The following VAV2 variants were observed in gnomAD, a reference collection of about 807,000 sequenced individuals.
VAV2 encodes guanine nucleotide exchange factor VAV2.
VAV2 carries 67 observed loss-of-function variants against 132.5 expected under a neutral mutation model. The ratio of observed to expected loss-of-function variants is 0.51; its 90% CI spans 0.42 to 0.62. The LOEUF (loss-of-function observed/expected upper bound fraction) is 0.62, where lower values mean the gene tolerates loss of function less well. Ranked by LOEUF, VAV2 falls within the 20% of genes least tolerant of loss-of-function variation. VAV2 has a pLI of 0.00. For missense variants in VAV2, 938 were observed against 1,153.6 expected, an observed-to-expected ratio of 0.81 and a Z score of 2.71; for synonymous variants, 492 against 443.5, an observed-to-expected ratio of 1.11 and a Z score of -1.37.
intron 4 of VAV2, among the ~76,000 whole-genome samples, chr9:133,828,753 T>TA (rs1359166418): frequency 3.3e-5 from 5 of 152,336 alleles, no homozygotes; most frequent in Admixed American, 3.3e-4. Flanking sequence ...TGTCCCACAA[T>TA]AGCACAATAC....
intron 1 of VAV2, among the ~76,000 whole-genome samples, chr9:133,967,019 A>G (rs1842162449): frequency 7.0e-6 from 1 of 142,662 alleles, no homozygotes; most frequent in Non-Finnish European, 1.5e-5. Flanking sequence ...TAGGTGACTG[A>G]GCAAGACTTT....
At chr9:133,836,007 G>GGT (rs751681488) in intron 3 of VAV2, among the ~76,000 whole-genome samples, 64 of 152,324 alleles carry the variant, frequency 4.2e-4, no homozygotes, top group Non-Finnish European at 7.2e-4. Flanking sequence ...CCCCAGTTGA[G>GGT]GTGTGTGTCC....
At chr9:133,850,170 T>C (rs1357496956) in intron 3 of VAV2, among the ~76,000 whole-genome samples, 1 of 152,112 alleles carries the variant, frequency 6.6e-6, no homozygotes, top group Non-Finnish European at 1.5e-5. Flanking sequence ...GGGAACAAGC[T>C]CAGGGCTAAG....
intron 1 of VAV2, among the ~76,000 whole-genome samples, chr9:133,963,602 G>A (rs1842033721): frequency 6.6e-6 from 1 of 152,194 alleles, no homozygotes; most frequent in South Asian, 2.1e-4. Context: ...AAAGGGCTTG[G>A]TCTGGTCAAC....
At chr9:133,839,985 C>G (rs1485702986) in intron 3 of VAV2, among the ~76,000 whole-genome samples, 2 of 152,184 alleles carry the variant, frequency 1.3e-5, no homozygotes, top group Non-Finnish European at 1.5e-5. Flanking sequence ...CTCCACCCCC[C>G]ACTCCCCGCC....
intron 12 of VAV2, 149 bp downstream of exon 12, chr9:133,795,519 A>T: frequency 1.0e-6 from 1 of 961,870 alleles, no homozygotes; most frequent in Non-Finnish European, 1.6e-6. Flanking sequence ...GGTCTCACCC[A>T]CTGCCCTGCC....
chr9:133,914,712 G>GAGGGGA, intron 2 of VAV2, among the ~76,000 whole-genome samples: 1 of 21,110 alleles, frequency 4.7e-5, no homozygotes, highest in South Asian at 2.6e-3. Flanking sequence ...GGAAGGAGAG[G>GAGGGGA]GGAGGGATCA....
In VAV2 at chr9:133,834,671, C is replaced by T. The variant is rs1836394391; in HGVS notation, c.381-331G>A. ...CATCTGCTGGGCGACCTGCCTTCCC[C>T]TTTACCCACCCTCCCACTTCCAGGG... On this transcript the variant is annotated intron_variant, in intron 3 of 29. Coordinates refer to ENST00000371850, the MANE Select transcript of VAV2 (RefSeq NM_001134398.2). This position sits in a 1 kb window ranked among gnomAD's most constrained non-coding sequence, Gnocchi z 5.9. Among the ~76,000 whole-genome samples, 1 of 152,234 alleles carries T rather than the reference C, an allele frequency of 6.6e-6. No homozygotes were observed. The highest frequency in any genetic ancestry group is 1.5e-5 in the Non-Finnish European group (1 of 68,028).
chr9:133,852,876 C>G (rs915074117), intron 3 of VAV2, among the ~76,000 whole-genome samples: 4 of 150,494 alleles, frequency 2.7e-5, no homozygotes, highest in Non-Finnish European at 5.9e-5. Context: ...CCCATTGGGC[C>G]CCCCCTGCCA....
intron 2 of VAV2, among the ~76,000 whole-genome samples, chr9:133,923,325 C>T (rs1189536649): frequency 1.3e-5 from 2 of 152,198 alleles, no homozygotes; most frequent in Non-Finnish European, 2.9e-5. Flanking sequence ...ATATGATCCA[C>T]CAATTCCACT....
At chr9:133,964,491 A>G (rs2132234825) in intron 1 of VAV2, among the ~76,000 whole-genome samples, 1 of 152,316 alleles carries the variant, frequency 6.6e-6, no homozygotes, top group Admixed American at 6.5e-5. Flanking sequence ...GATGTCATAT[A>G]TGTATAATGA....
rs989975630 is a variant in VAV2, at chr9:133,928,574, G to A, written c.321+10529C>T. 1.3e-5 allele frequency among the ~76,000 whole-genome samples: 2 copies of A among 152,142 alleles called. No individual in the cohort carries two copies. The highest frequency in any genetic ancestry group is 6.5e-5 in the Admixed American group (1 of 15,276). The stretch of plus-strand genomic sequence containing the variant: ...TCAGACCGACTGGCAGAAAGGCCTC[G>A]GGTGAGCACAGAGTCTTCTGCACTC... On this transcript the variant is annotated intron_variant, in intron 2 of 29. Coordinates refer to ENST00000371850, the MANE Select transcript of VAV2 (RefSeq NM_001134398.2). The surrounding 1 kb of genome is among the most constrained non-coding windows in gnomAD (Gnocchi z 5.4).
At chr9:133,839,992 C>T (rs920474786) in intron 3 of VAV2, among the ~76,000 whole-genome samples, 2 of 152,174 alleles carry the variant, frequency 1.3e-5, no homozygotes, top group African/African-American at 4.8e-5. Context: ...CCCCACTCCC[C>T]GCCCCCGAGG....
intron 1 of VAV2, among the ~76,000 whole-genome samples, chr9:133,957,642 T>C (rs1185765964): frequency 1.3e-5 from 2 of 151,966 alleles, no homozygotes; most frequent in East Asian, 3.9e-4. Context: ...TGGAGGAATG[T>C]TGAGTTCCCT....
rs576304403 is a variant in VAV2 at position 133,935,744 on chromosome 9, G to A, written c.321+3359C>T. ...GAAGTGCTGACCACAGCTTGACCAC[G>A]GTAGGAAAAACATCCAGGGAAGGAA... On this transcript the variant is annotated intron_variant, in intron 2 of 29. Coordinates refer to ENST00000371850, the MANE Select transcript of VAV2 (RefSeq NM_001134398.2). This position sits in a 1 kb window ranked among gnomAD's most constrained non-coding sequence, Gnocchi z 5.2. 6.6e-6 allele frequency among the ~76,000 whole-genome samples: 1 copy of A among 152,216 alleles called. No individual in the cohort carries two copies. Among genetic ancestry groups the A allele is most frequent in the Non-Finnish European group, 1.5e-5 (1 of 68,040 alleles).
chr9:133,963,356 G>A lies in VAV2; in HGVS notation c.205-24137C>T, dbSNP rs185911518. 9.8e-5 allele frequency among the ~76,000 whole-genome samples: 15 copies of A among 152,298 alleles called. No individual in the cohort carries two copies. In the East Asian group the frequency reaches 2.9e-3, roughly 29 times the overall value. ...AGAACCAAGGGAGAGAGGGCACGGA[G>A]GCCATCAAGCAGGGAGGGCTGGGGG... On this transcript the variant is annotated intron_variant, in intron 1 of 29. Coordinates refer to ENST00000371850, the MANE Select transcript of VAV2 (RefSeq NM_001134398.2).
intron 1 of VAV2, among the ~76,000 whole-genome samples, chr9:133,947,636 T>C (rs1470856702): frequency 6.9e-6 from 1 of 144,604 alleles, no homozygotes; most frequent in African/African-American, 2.6e-5. Flanking sequence ...GAGGTGGAGG[T>C]TGCAGTGAGC....
Position 133,763,582 on chromosome 9 carries a change from A to G in VAV2, c.*480T>C. On this transcript the variant is annotated 3_prime_UTR_variant, in exon 30 of 30. Transcript: ENST00000371850. The surrounding 1 kb of genome is among the most constrained non-coding windows in gnomAD (Gnocchi z 6.8). The stretch of plus-strand genomic sequence containing the variant: ...GGTCCCGTCTGCCTCCCGAGGTCTG[A>G]CACCTCCCCCTGGGAGCAGCAGGAA... 5.8e-6 allele frequency: 1 copy of G among 171,420 alleles called. No individual in the cohort carries two copies. Among genetic ancestry groups the G allele is most frequent in the Non-Finnish European group, 1.3e-5 (1 of 79,844 alleles). The allele number at this position is 171,420 out of a possible 1,614,324, so 10.6% of individuals were successfully genotyped here. A position where few individuals can be genotyped will look rare whatever the true frequency, so the allele number is the denominator to read the frequency against.
chr9:133,961,058 A>G lies in VAV2; in HGVS notation c.205-21839T>C, dbSNP rs1425624790. Among the ~76,000 whole-genome samples the G allele has an allele frequency of 6.6e-6, 1 of 152,220 alleles. No homozygotes were observed. Among genetic ancestry groups the G allele is most frequent in the Non-Finnish European group, 1.5e-5 (1 of 68,034 alleles). On this transcript the variant is annotated intron_variant, in intron 1 of 29. Transcript: ENST00000371850. This position sits in a 1 kb window ranked among gnomAD's most constrained non-coding sequence, Gnocchi z 4.1. ...CGCAGGTGAGGGAGCAGGGGCCTCC[A>G]CTGGCCCACACCCGGCACACATCAC...
Sources: allele counts gnomAD v4.1 joint callset (sites outside exome capture counted in the v4.1 genomes callset), GRCh38; gene constraint gnomAD v4.1.1; non-coding constraint Gnocchi (gnomAD v3.1); transcripts MANE v1.5; gene names NCBI Gene and HGNC (gene_info 2026-07-23, HGNC 2026-07-21).